KCNMA1: variants seen among roughly 807,000 people sequenced by gnomAD.
KCNMA1 encodes the protein potassium calcium-activated channel subfamily M alpha 1.
A neutral mutation model predicts 140.0 loss-of-function variants in KCNMA1; 29 were observed. The ratio of observed to expected loss-of-function variants is 0.21; its 90% CI spans 0.15 to 0.28. KCNMA1 has a LOEUF of 0.28. KCNMA1 is among the 10% of genes least tolerant of loss of function. The probability of loss-of-function intolerance (pLI) is 1.00; values close to 1 mark genes in which losing one functional copy is unlikely to be tolerated. For synonymous variants in KCNMA1, 612 were observed against 611.9 expected (o/e 1.00, Z 0.00); for missense variants, 880 against 1,602.2 (o/e 0.55, Z 7.70).
chr10:77,537,076 A>G (rs2059060970), intron 1 of KCNMA1, among the ~76,000 whole-genome samples: 1 of 152,110 alleles, frequency 6.6e-6, no homozygotes, highest in East Asian at 1.9e-4. Flanking sequence ...TTTTCCAGAG[A>G]TAGCCCTAAA....
At chr10:77,253,582 C>T (rs2060107470) in intron 2 of KCNMA1, among the ~76,000 whole-genome samples, 1 of 152,186 alleles carries the variant, frequency 6.6e-6, no homozygotes, top group African/African-American at 2.4e-5. Flanking sequence ...AGGAATCCTG[C>T]TACCCTCTGA....
At chr10:77,636,470 A>C in intron 1 of KCNMA1, 1 of 1,536,196 alleles carries the variant, frequency 6.5e-7, no homozygotes, top group Non-Finnish European at 8.7e-7. Context: ...CTCCCGCTCC[A>C]GCTCCGCGCT....
rs756684453 is a variant in KCNMA1, at chr10:76,915,004, G to C, written c.2948C>G (p.Pro983Arg). The change falls in exon 24 of 28, where the codon CCA becomes CGA. Residue 983 changes from proline to arginine, a missense_variant. By Grantham distance (103) the Pro-to-Arg change is moderately radical. Coordinates refer to ENST00000286628, the MANE Select transcript of KCNMA1 (RefSeq NM_001161352.2). ...GMDRSSPDNSPVHGMLRQPSI... is the reference protein window; with the variant it reads ...GMDRSSPDNSRVHGMLRQPSI... The stretch of plus-strand genomic sequence containing the variant: ...TGGTTGACGTAACATCCCGTGCACT[G>C]GGCTGTTATCTGGAGAGGATCTATC... 2.5e-6 allele frequency: 4 copies of C among 1,613,658 alleles called. No homozygotes were observed. The highest frequency in any genetic ancestry group is 3.4e-6 in the Non-Finnish European group (4 of 1,179,654).
In KCNMA1 at chr10:77,356,485, C is replaced by G. The variant is rs147947043; in HGVS notation, c.540+47377G>C. ...TGGGCATAGAACTTGTCTTTGCCTT[C>G]TAGATCAGGTCTGTGTTGGTAAATT... On this transcript the variant is annotated intron_variant, in intron 2 of 27. Coordinates refer to ENST00000286628, the MANE Select transcript of KCNMA1 (RefSeq NM_001161352.2). Among the ~76,000 whole-genome samples, 500 of 152,322 alleles carry G rather than the reference C, an allele frequency of 3.3e-3. 3 individuals carry two copies. The highest frequency in any genetic ancestry group is 5.6e-3 in the Non-Finnish European group (384 of 68,032).
intron 19 of KCNMA1, among the ~76,000 whole-genome samples, chr10:76,971,974 G>GGGGTGT (rs1555020887): frequency 1.3e-4 from 19 of 148,898 alleles, no homozygotes; most frequent in Admixed American, 6.7e-4. Flanking sequence ...AGGGTGTGTG[G>GGGGTGT]GTGTGTGTGT....
intron 2 of KCNMA1, among the ~76,000 whole-genome samples, chr10:77,335,896 C>A (rs2088741790): frequency 6.6e-6 from 1 of 152,098 alleles, no homozygotes; most frequent in South Asian, 2.1e-4. Context: ...TTCATATCAC[C>A]CCTTGTCCCT....
chr10:76,996,521 C>A (rs554573192), intron 19 of KCNMA1, among the ~76,000 whole-genome samples: 2 of 152,254 alleles, frequency 1.3e-5, no homozygotes, highest in African/African-American at 4.8e-5. Flanking sequence ...CAAATCAAGA[C>A]GCATGGGCCA....
In KCNMA1 at chr10:77,081,421, G is replaced by A. The variant is rs188071669; in HGVS notation, c.1524-1871C>T. Among the ~76,000 whole-genome samples, 18 of 152,238 alleles carry A rather than the reference G, an allele frequency of 1.2e-4. No homozygotes were observed. The East Asian group carries it at 3.5e-3, about 29-fold the overall frequency. ...ATTGTACATTTCCTTCTGTGACAAG[G>A]AAGGCTAAAGAATGGAATTCCACAG... On this transcript the variant is annotated intron_variant, in intron 12 of 27. Transcript: ENST00000286628.
chr10:77,188,942 C>G (rs2098911623), intron 3 of KCNMA1, among the ~76,000 whole-genome samples: 2 of 152,114 alleles, frequency 1.3e-5, no homozygotes, highest in African/African-American at 2.4e-5. Flanking sequence ...CTCACAGCCT[C>G]TAAACTTCCC....
intron 1 of KCNMA1, among the ~76,000 whole-genome samples, chr10:77,448,009 A>G (rs868576448): frequency 6.6e-6 from 1 of 152,244 alleles, no homozygotes; most frequent in Non-Finnish European, 1.5e-5. Flanking sequence ...GAGCAGGCTG[A>G]TGTTCCAAGG....
intron 1 of KCNMA1, among the ~76,000 whole-genome samples, chr10:77,574,481 A>C (rs1443191781): frequency 6.6e-6 from 1 of 152,124 alleles, no homozygotes; most frequent in African/African-American, 2.4e-5. Flanking sequence ...GGTGTTACTG[A>C]ATCCAGGCAT....
chr10:77,580,849 G>C (rs964966713), intron 1 of KCNMA1, among the ~76,000 whole-genome samples: 1 of 152,154 alleles, frequency 6.6e-6, no homozygotes, highest in Non-Finnish European at 1.5e-5. Flanking sequence ...CATAAATGCT[G>C]GTGTCCATCA....
At chr10:77,152,645 G>A (rs1252198270) in intron 5 of KCNMA1, among the ~76,000 whole-genome samples, 2 of 152,140 alleles carry the variant, frequency 1.3e-5, no homozygotes, top group African/African-American at 4.8e-5. Context: ...GTCACTGGTT[G>A]AGGAGGCATT....
At chr10:77,394,390 C>A (rs1267072728) in intron 2 of KCNMA1, among the ~76,000 whole-genome samples, 18 of 152,200 alleles carry the variant, frequency 1.2e-4, no homozygotes, top group Admixed American at 1.1e-3. Flanking sequence ...GCCTGCAGAC[C>A]AGAAGCTGCT....
chr10:77,593,950 C>T (rs1172529107), intron 1 of KCNMA1, among the ~76,000 whole-genome samples: 1 of 152,202 alleles, frequency 6.6e-6, no homozygotes, highest in African/African-American at 2.4e-5. Context: ...GCACAGTCCT[C>T]GCCAGGAGGG....
chr10:77,286,224 T>C (rs2070769392), intron 2 of KCNMA1, among the ~76,000 whole-genome samples: 1 of 152,162 alleles, frequency 6.6e-6, no homozygotes, highest in African/African-American at 2.4e-5. Context: ...TAGAAGGTAA[T>C]TCTAAACATA....
chr10:77,382,044 G>C (rs76539522), intron 2 of KCNMA1, among the ~76,000 whole-genome samples: 2,177 of 152,250 alleles, frequency 0.014, 46 homozygotes, highest in African/African-American at 0.049. Context: ...CAAGGCTCAG[G>C]AGGAGGCCCT....
rs572514612 is a variant in KCNMA1, at chr10:77,039,209, G to A, written c.1859+319C>T. The stretch of plus-strand genomic sequence containing the variant: ...TGCCCTCTTAGAATCAGACAGGCAG[G>A]GGTTTATGCCACTCTTCATAAATGT... On this transcript the variant is annotated intron_variant, in intron 15 of 27. Transcript: ENST00000286628. The A allele has an allele frequency of 2.4e-5, 10 of 416,062 alleles. No homozygotes were observed. In the South Asian group the frequency reaches 2.7e-4, roughly 11 times the overall value. The allele number at this position is 416,062 out of a possible 1,614,324, so 25.8% of individuals were successfully genotyped here. A position where few individuals can be genotyped will look rare whatever the true frequency, so the allele number is the denominator to read the frequency against.
intron 2 of KCNMA1, among the ~76,000 whole-genome samples, chr10:77,279,290 G>A (rs1345616586): frequency 6.6e-6 from 1 of 152,126 alleles, no homozygotes; most frequent in African/African-American, 2.4e-5. Flanking sequence ...TTGTTTCAAG[G>A]GTAAATAGAA....
Sources: gnomAD v4.1 joint callset for allele counts (sites outside exome capture counted in the v4.1 genomes callset) on GRCh38, gnomAD v4.1.1 for gene constraint, MANE v1.5 for transcripts, NCBI Gene and HGNC (gene_info 2026-07-23, HGNC 2026-07-21) for gene names.